Variants in RBFOX3 observed in about 807,000 individuals in gnomAD.
RBFOX3 encodes RNA binding protein fox-1 homolog 3.
Under a neutral mutation model 48.7 loss-of-function variants are expected in RBFOX3, and 17 were observed. The ratio of observed to expected loss-of-function variants is 0.35; its 90% CI spans 0.24 to 0.52. RBFOX3 has a LOEUF of 0.52. Among genes scored for constraint, RBFOX3 ranks in the 20% least tolerant of loss-of-function variants. The pLI, the probability that RBFOX3 is intolerant of heterozygous loss-of-function variation, is 0.94. For synonymous variants in RBFOX3, 212 were observed against 209.5 expected (o/e 1.01, Z -0.10); for missense variants, 382 against 497.5 (o/e 0.77, Z 2.21).
chr17:79,263,473 G>A (rs1170093630), intron 3 of RBFOX3, among the ~76,000 whole-genome samples: 2 of 152,226 alleles, frequency 1.3e-5, no homozygotes, highest in African/African-American at 2.4e-5. Context: ...CAGTCGTGGC[G>A]GGGCCCTGGG....
intron 4 of RBFOX3, among the ~76,000 whole-genome samples, chr17:79,177,322 G>T (rs2050790530): frequency 6.6e-6 from 1 of 152,206 alleles, no homozygotes; most frequent in South Asian, 2.1e-4. Flanking sequence ...GGCTATCTTG[G>T]CCTCCACCTC....
the RBFOX3 span, among the ~76,000 whole-genome samples, chr17:79,620,374 T>G: frequency 7.1e-5 from 7 of 98,396 alleles, no homozygotes; most frequent in Non-Finnish European, 1.1e-4. Context: ...CACACGGACA[T>G]ACACACACAT....
intron 4 of RBFOX3, among the ~76,000 whole-genome samples, chr17:79,159,103 G>A (rs965772205): frequency 2.6e-5 from 4 of 152,222 alleles, no homozygotes; most frequent in Non-Finnish European, 5.9e-5. Context: ...AGAAGCAAGA[G>A]GGCATCTCTG....
chr17:79,597,797 G>C (rs1426203771), intron 1 of RBFOX3, among the ~76,000 whole-genome samples: 2 of 152,216 alleles, frequency 1.3e-5, no homozygotes, highest in Non-Finnish European at 2.9e-5. Flanking sequence ...TGGGGCTGCA[G>C]GGCCCCCAAA....
At position 79,299,792 on chromosome 17, in the gene RBFOX3, T is replaced by C. The variant is rs1600499208; in HGVS notation, c.-74+7932A>G. Among the ~76,000 whole-genome samples the C allele has an allele frequency of 6.6e-6, 1 of 152,104 alleles. No homozygotes were observed. Among genetic ancestry groups the C allele is most frequent in the African/African-American group, 2.4e-5 (1 of 41,416 alleles). On this transcript the variant is annotated intron_variant, in intron 3 of 14. Transcript: ENST00000693108. The surrounding 1 kb of genome is among the most constrained non-coding windows in gnomAD (Gnocchi z 4.5). ...ACAGAGGGATGGCCACATAAGGACATGGAGAAGACGGCGTCTACATGCCAA... is the reference window on the plus strand; with the variant it reads ...ACAGAGGGATGGCCACATAAGGACACGGAGAAGACGGCGTCTACATGCCAA...
chr17:79,412,235 G>A (rs1309145036), intron 2 of RBFOX3, among the ~76,000 whole-genome samples: 1 of 149,660 alleles, frequency 6.7e-6, no homozygotes, highest in Non-Finnish European at 1.5e-5. Flanking sequence ...CATGTGTTGT[G>A]TGTGATATGT....
In RBFOX3 at chr17:79,190,216, A is replaced by T. The variant is rs570403657; in HGVS notation, c.-34+45550T>A. Among the ~76,000 whole-genome samples the T allele has an allele frequency of 1.2e-4, 18 of 152,366 alleles. No homozygotes were observed. The South Asian group carries it at 2.5e-3, about 21-fold the overall frequency. On this transcript the variant is annotated intron_variant, in intron 4 of 14. Coordinates refer to ENST00000693108, the MANE Select transcript of RBFOX3 (RefSeq NM_001350451.2). ...CACCTGAGGCCAGGAGTTTGAGATC[A>T]GCCTGGGCAACATGGTGAAACCCCA...
chr17:79,238,737 GTCTT>G (rs140647650), intron 3 of RBFOX3, among the ~76,000 whole-genome samples: 1,681 of 152,336 alleles, frequency 0.011, 32 homozygotes, highest in African/African-American at 0.039. Flanking sequence ...ACGTACGAGT[GTCTT>G]TATTTAGTCA....
At chr17:79,424,329 G>A (rs2066972661) in intron 2 of RBFOX3, among the ~76,000 whole-genome samples, 2 of 152,154 alleles carry the variant, frequency 1.3e-5, no homozygotes, top group South Asian at 4.1e-4. Context: ...CACTGACCAG[G>A]GGATGGACAA....
Position 79,477,416 on chromosome 17 carries a change from C to T in RBFOX3, c.-175+5038G>A, listed in dbSNP as rs1412540078. Reference sequence around the variant, plus strand: ...CTAAAAATACAAAACATTAGCCAGACGTGGTGGCGGGCGCCTGTAGTCCCA... The same window carrying T: ...CTAAAAATACAAAACATTAGCCAGATGTGGTGGCGGGCGCCTGTAGTCCCA... On this transcript the variant is annotated intron_variant, in intron 2 of 14. Coordinates refer to ENST00000693108, the MANE Select transcript of RBFOX3 (RefSeq NM_001350451.2). This position sits in a 1 kb window ranked among gnomAD's most constrained non-coding sequence, Gnocchi z 4.8. 1.4e-4 allele frequency among the ~76,000 whole-genome samples: 21 copies of T among 151,750 alleles called. No individual in the cohort carries two copies. The highest frequency in any genetic ancestry group is 3.9e-4 in the East Asian group (2 of 5,172).
chr17:79,381,250 ACT>A (rs2059879072), intron 2 of RBFOX3, among the ~76,000 whole-genome samples: 1 of 98,468 alleles, frequency 1.0e-5, no homozygotes, highest in African/African-American at 4.0e-5. Context: ...ACAGAGCAAG[ACT>A]CTGTCTCAAA....
At chr17:79,213,934 A>C (rs2058690262) in intron 4 of RBFOX3, among the ~76,000 whole-genome samples, 1 of 152,194 alleles carries the variant, frequency 6.6e-6, no homozygotes, top group Admixed American at 6.5e-5. Flanking sequence ...GATGTGAAGG[A>C]AGCCAAGACA....
At chr17:79,468,029 C>A (rs2076545290) in intron 2 of RBFOX3, among the ~76,000 whole-genome samples, 1 of 152,126 alleles carries the variant, frequency 6.6e-6, no homozygotes, top group Non-Finnish European at 1.5e-5. Context: ...TCACTTCCCA[C>A]TTTGCAGCTT....
chr17:79,597,671 C>T (rs961775454), intron 1 of RBFOX3, among the ~76,000 whole-genome samples: 5 of 152,324 alleles, frequency 3.3e-5, no homozygotes, highest in Admixed American at 6.5e-5. Context: ...TCAGCCTCTG[C>T]ATCCACGGTC....
intron 2 of RBFOX3, among the ~76,000 whole-genome samples, chr17:79,357,553 C>T (rs2085409333): frequency 6.6e-6 from 1 of 152,162 alleles, no homozygotes; most frequent in South Asian, 2.1e-4. Context: ...ATCACTTGAA[C>T]CCAGGAGGTG....
chr17:79,587,615 C>T (rs995549707), intron 1 of RBFOX3, among the ~76,000 whole-genome samples: 3 of 152,206 alleles, frequency 2.0e-5, no homozygotes, highest in African/African-American at 7.2e-5. Context: ...GCCCAAGTCA[C>T]TCAGCCAGGC....
At chr17:79,092,266 C>G (rs2074071072) in intron 14 of RBFOX3, 1 of 985,406 alleles carries the variant, frequency 1.0e-6, no homozygotes, top group Non-Finnish European at 1.2e-6. Flanking sequence ...GCTGCCTGGT[C>G]TCCTGGCCCA....
rs797010162 is a variant in RBFOX3, at chr17:79,173,205, CAAAT to C, written c.-33-57461_-33-57458del. On this transcript the variant is annotated intron_variant, in intron 4 of 14. Transcript: ENST00000693108. ...AGCCTGGGAGACAGAACGAGACTGT[CAAAT>C]AAATAAATAAATACATACATACATA... is the stretch of plus-strand genomic sequence containing the variant. Among the ~76,000 whole-genome samples, 12 of 149,766 alleles carry C rather than the reference CAAAT, an allele frequency of 8.0e-5. No homozygotes were observed. In the East Asian group the frequency reaches 1.2e-3, roughly 15 times the overall value.
At chr17:79,371,098 T>C (rs1339922248) in intron 2 of RBFOX3, among the ~76,000 whole-genome samples, 1 of 152,226 alleles carries the variant, frequency 6.6e-6, no homozygotes, top group Admixed American at 6.5e-5. Flanking sequence ...TCCCTCCTCC[T>C]GTCTGGGTGT....
Sources: allele counts gnomAD v4.1 joint callset (sites outside exome capture counted in the v4.1 genomes callset), GRCh38; gene constraint gnomAD v4.1.1; non-coding constraint Gnocchi (gnomAD v3.1); transcripts MANE v1.5; gene names NCBI Gene and HGNC (gene_info 2026-07-23, HGNC 2026-07-21).